Variants in LITAF observed in about 807,000 individuals in gnomAD.
LITAF encodes the protein lipopolysaccharide induced TNF factor.
Under a neutral mutation model 14.5 loss-of-function variants are expected in LITAF, and 9 were observed. That is an observed-to-expected ratio of 0.62 (90% confidence interval 0.37 to 1.08). The LOEUF (loss-of-function observed/expected upper bound fraction) is 1.08, where lower values mean the gene tolerates loss of function less well. Ranked by LOEUF, LITAF falls within the 50% of genes least tolerant of loss-of-function variation. The pLI is 0.01. For missense variants in LITAF, 206 were observed against 213.4 expected, an observed-to-expected ratio of 0.97 and a Z score of 0.22; for synonymous variants, 98 against 88.2, an observed-to-expected ratio of 1.11 and a Z score of -0.62.
At chr16:11,585,661 A>G (rs67188060) in intron 1 of LITAF, among the ~76,000 whole-genome samples, 22,796 of 152,190 alleles carry the variant, frequency 0.15, 1,875 homozygotes, top group South Asian at 0.23. Context: ...GCAGGGGGTG[A>G]GAGGGCAGAT....
intron 3 of LITAF, among the ~76,000 whole-genome samples, chr16:11,612,566 G>A (rs1216398476): frequency 2.0e-5 from 3 of 152,322 alleles, no homozygotes; most frequent in East Asian, 3.9e-4. Context: ...GCCAGGGCCG[G>A]CCCAGCTCAG....
intron 1 of LITAF, among the ~76,000 whole-genome samples, chr16:11,559,041 A>G (rs919017777): frequency 3.3e-4 from 50 of 152,104 alleles, no homozygotes; most frequent in Non-Finnish European, 1.2e-4. Context: ...TGAGCCCAGG[A>G]GTTCAAGACC....
At chr16:11,625,561 C>T (rs914505187) in intron 3 of LITAF, among the ~76,000 whole-genome samples, 2 of 152,110 alleles carry the variant, frequency 1.3e-5, no homozygotes, top group Non-Finnish European at 2.9e-5. Context: ...CTGTGCCTGG[C>T]TCCAGATAAA....
At chr16:11,567,845 G>A (rs562173842) in intron 1 of LITAF, among the ~76,000 whole-genome samples, 26 of 152,286 alleles carry the variant, frequency 1.7e-4, no homozygotes, top group African/African-American at 4.1e-4. Context: ...TTAGCCAGGC[G>A]TGGTGACGCA....
upstream of LITAF, among the ~76,000 whole-genome samples, chr16:11,639,331 G>C (rs1331312959): frequency 6.6e-6 from 1 of 151,020 alleles, no homozygotes; most frequent in African/African-American, 2.4e-5. Flanking sequence ...TGGATAGATG[G>C]GTAGACGAAT....
At chr16:11,570,840 T>C (rs1048955538) in intron 1 of LITAF, among the ~76,000 whole-genome samples, 4 of 151,188 alleles carry the variant, frequency 2.6e-5, no homozygotes, top group Non-Finnish European at 5.9e-5. Flanking sequence ...GGGGGTGGGG[T>C]CTAGGGGGTT....
intron 3 of LITAF, among the ~76,000 whole-genome samples, chr16:11,610,715 C>T (rs889530595): frequency 2.0e-5 from 3 of 152,102 alleles, no homozygotes; most frequent in Non-Finnish European, 4.4e-5. Flanking sequence ...GTGCAGGTTG[C>T]GCACTGCACA....
chr16:11,559,153 G>C (rs1469242692), intron 1 of LITAF, among the ~76,000 whole-genome samples: 6 of 152,126 alleles, frequency 3.9e-5, no homozygotes, highest in Non-Finnish European at 8.8e-5. Context: ...CTACCCAGGA[G>C]GCTGAGGTAG....
intron 3 of LITAF, among the ~76,000 whole-genome samples, chr16:11,615,694 A>T (rs2065015358): frequency 2.0e-5 from 3 of 152,180 alleles, no homozygotes; most frequent in Admixed American, 1.3e-4. Flanking sequence ...ACTAAAATAA[A>T]ATAATAAAAA....
At chr16:11,637,898 CTATATATA>C (rs370179228), upstream of LITAF, among the ~76,000 whole-genome samples, 63 of 27,212 alleles carry the variant, frequency 2.3e-3, 7 homozygotes, top group African/African-American at 0.019. Context: ...AAAAAAAAAA[CTATATATA>C]TATATATCTA....
At chr16:11,621,256 A>T (rs561576431) in intron 3 of LITAF, among the ~76,000 whole-genome samples, 1 of 152,006 alleles carries the variant, frequency 6.6e-6, no homozygotes, top group East Asian at 1.9e-4. Context: ...TAGGGACAGG[A>T]TTTCTCCATG....
intron 1 of LITAF, among the ~76,000 whole-genome samples, chr16:11,595,573 C>T (rs928131883): frequency 3.3e-5 from 5 of 151,938 alleles, no homozygotes; most frequent in South Asian, 2.1e-4. Flanking sequence ...ACTAAAAATA[C>T]AAAAAATTAG....
chr16:11,551,662 C>CA lies in LITAF; in HGVS notation c.377+1870dup, dbSNP rs371296032. ...ATAGTAAAACCCCTGCTTCCACACA[C>CA]ACAAAAAAAAAATTTAAAAATTAGC... On this transcript the variant is annotated intron_variant, in intron 3 of 3. Coordinates refer to ENST00000622633, the MANE Select transcript of LITAF (RefSeq NM_001136472.2). The CA allele has an allele frequency of 0.022, 11,697 of 530,764 alleles. 210 individuals are homozygous for CA. Among genetic ancestry groups the CA allele is most frequent in the African/African-American group, 0.1 (4,949 of 48,328 alleles). 32.9% of individuals were successfully genotyped at this position (530,764 alleles called of 1,614,324 possible). A position where few individuals can be genotyped will look rare whatever the true frequency, so the allele number is the denominator to read the frequency against.
rs61431032 is a variant in LITAF at position 11,570,029 on chromosome 16, C to CAAAAAAAAAA, written c.-5-13304_-5-13295dup. Reference sequence around the variant, plus strand: ...TGGGCCACAGAGCGAGACTTTGCCTCAAAAAAAAAAAAAAAGTTAAAATGG... The same window carrying CAAAAAAAAAA: ...TGGGCCACAGAGCGAGACTTTGCCTCAAAAAAAAAAAAAAAAAAAAAAAAAGTTAAAATGG... On this transcript the variant is annotated intron_variant, in intron 1 of 3. Transcript: ENST00000622633. Among the ~76,000 whole-genome samples, 214 of 122,702 alleles carry CAAAAAAAAAA rather than the reference C, an allele frequency of 1.7e-3. 1 individual carries two copies. Among genetic ancestry groups the CAAAAAAAAAA allele is most frequent in the African/African-American group, 4.7e-3 (155 of 32,938 alleles). The allele number at this position is 122,702 out of a possible 152,430, so 80.5% of individuals were successfully genotyped here.
chr16:11,556,677 G>A lies in LITAF; in HGVS notation c.54C>T (p.Ser18=), dbSNP rs150211233. ...QAATGPSSAP[S]APPSYEETVA... is the part of the protein sequence containing the mutation. ...CTGTCTCTTCATAGGATGGAGGTGC[G>A]GATGGTGCTGAGGAAGGCCCAGTGG... The change falls in exon 2 of 4, where the codon TCC becomes TCT. Residue 18 remains serine (S), a synonymous_variant. Coordinates refer to ENST00000622633, the MANE Select transcript of LITAF (RefSeq NM_001136472.2). 101 of 1,614,052 alleles carry A rather than the reference G, an allele frequency of 6.3e-5. No homozygotes were observed. The highest frequency in any genetic ancestry group is 7.7e-5 in the Non-Finnish European group (91 of 1,180,058).
At position 11,558,613 on chromosome 16, in the gene LITAF, CAGGAGGATTGCTTAATCCT is replaced by C. The variant is rs371148591; in HGVS notation, c.-5-1897_-5-1879del. Among the ~76,000 whole-genome samples, 1 of 152,182 alleles carries C rather than the reference CAGGAGGATTGCTTAATCCT, an allele frequency of 6.6e-6. No homozygotes were observed. Among genetic ancestry groups the C allele is most frequent in the East Asian group, 1.9e-4 (1 of 5,184 alleles). On this transcript the variant is annotated intron_variant, in intron 1 of 3. Coordinates refer to ENST00000622633, the MANE Select transcript of LITAF (RefSeq NM_001136472.2). The surrounding 1 kb of genome is among the most constrained non-coding windows in gnomAD (Gnocchi z 4.1). ...ATCCCAGCTACTTAGGAGGCTGAGG[CAGGAGGATTGCTTAATCCT>C]AGGAGGTTGAGGCTGCAGTGAGCCA...
chr16:11,564,803 A>G (rs1317662172), intron 1 of LITAF, among the ~76,000 whole-genome samples: 1 of 152,136 alleles, frequency 6.6e-6, no homozygotes, highest in African/African-American at 2.4e-5. Context: ...AAGGCTACAG[A>G]TCAAATGATT....
chr16:11,579,206 G>C (rs12447546), intron 1 of LITAF, among the ~76,000 whole-genome samples: 24,553 of 150,966 alleles, frequency 0.16, 2,074 homozygotes, highest in South Asian at 0.23. Context: ...ATAAAACACA[G>C]TTTGGGAGGC....
chr16:11,553,854 G>C lies in LITAF; in HGVS notation c.221-165C>G. The C allele has an allele frequency of 1.4e-6, 1 of 725,204 alleles. No homozygotes were observed. Among genetic ancestry groups the C allele is most frequent in the African/African-American group, 1.7e-5 (1 of 57,616 alleles). The allele number at this position is 725,204 out of a possible 1,614,324, so 44.9% of individuals were successfully genotyped here. On this transcript the variant is annotated intron_variant, in intron 2 of 3. Coordinates refer to ENST00000622633, the MANE Select transcript of LITAF (RefSeq NM_001136472.2). This position sits in a 1 kb window ranked among gnomAD's most constrained non-coding sequence, Gnocchi z 7.7. Reference sequence around the variant, plus strand: ...CTGGCTATCTATGAGAGCCAAAAGGGGAAGGAACACCAGTGTCCATCGACG... The same window carrying C: ...CTGGCTATCTATGAGAGCCAAAAGGCGAAGGAACACCAGTGTCCATCGACG...
Sources: gnomAD v4.1 joint callset for allele counts (sites outside exome capture counted in the v4.1 genomes callset) on GRCh38, gnomAD v4.1.1 for gene constraint, Gnocchi (gnomAD v3.1) non-coding constraint, MANE v1.5 for transcripts, NCBI Gene and HGNC (gene_info 2026-07-23, HGNC 2026-07-21) for gene names.